The following PHLPP1 variants were observed in gnomAD, a reference collection of about 807,000 sequenced individuals.
PHLPP1 encodes PH domain leucine-rich repeat-containing protein phosphatase 1.
PHLPP1 carries 42 observed loss-of-function variants against 117.2 expected under a neutral mutation model. The ratio of observed to expected loss-of-function variants is 0.36; its 90% CI spans 0.28 to 0.46. PHLPP1 has a LOEUF of 0.46. PHLPP1 is among the 20% of genes least tolerant of loss of function. PHLPP1 has a pLI of 1.00. For missense variants in PHLPP1, 2,084 were observed against 2,241.9 expected, an observed-to-expected ratio of 0.93 and a Z score of 1.42; for synonymous variants, 1,042 against 970.7, an observed-to-expected ratio of 1.07 and a Z score of -1.37.
At position 62,803,254 on chromosome 18, in the gene PHLPP1, G is replaced by A. The variant is rs1027641462; in HGVS notation, c.1577-26781G>A. ...ATCACATAGTTTTTAAGAAAAATCA[G>A]ATCTTTTATTAGAATATAACATACA... is the stretch of plus-strand genomic sequence containing the variant. On this transcript the variant is annotated intron_variant, in intron 1 of 16. Transcript: ENST00000262719. Among the ~76,000 whole-genome samples, 9 of 152,218 alleles carry A rather than the reference G, an allele frequency of 5.9e-5. No individual in the cohort carries two copies. In the South Asian group the frequency reaches 1.9e-3, roughly 32 times the overall value.
At chr18:62,790,440 T>G (rs553592273) in intron 1 of PHLPP1, among the ~76,000 whole-genome samples, 4 of 152,324 alleles carry the variant, frequency 2.6e-5, no homozygotes, top group African/African-American at 9.6e-5. Flanking sequence ...GTACTTGCTA[T>G]TTATTTGATT....
At chr18:62,945,387 C>G (rs143000519) in intron 12 of PHLPP1, 116 bp downstream of exon 12, 2 of 795,592 alleles carry the variant, frequency 2.5e-6, no homozygotes, top group East Asian at 2.9e-5. Flanking sequence ...ATGAAGGCCC[C>G]CATTAGCCCT....
chr18:62,715,613 C>A lies in PHLPP1; in HGVS notation c.-71C>A. ...CTCCGCGCGCCGCCGCCGTCTCCCA[C>A]CTCCGCCTCATCGCCTCCCTCTCCG... On this transcript the variant is annotated 5_prime_UTR_variant, in exon 1 of 17. Transcript: ENST00000262719. 1 of 1,080,028 alleles carries A rather than the reference C, an allele frequency of 9.3e-7. No homozygotes were observed. Among genetic ancestry groups the A allele is most frequent in the Non-Finnish European group, 1.2e-6 (1 of 843,580 alleles). The allele number at this position is 1,080,028 out of a possible 1,614,324, so 66.9% of individuals were successfully genotyped here.
At chr18:62,734,971 A>G (rs560966191) in intron 1 of PHLPP1, among the ~76,000 whole-genome samples, 3 of 152,306 alleles carry the variant, frequency 2.0e-5, no homozygotes, top group African/African-American at 7.2e-5. Context: ...TTGGTGTTTA[A>G]TTCACAAAAT....
chr18:62,764,679 CACTT>C (rs1483792090), intron 1 of PHLPP1, among the ~76,000 whole-genome samples: 2 of 152,224 alleles, frequency 1.3e-5, no homozygotes, highest in Non-Finnish European at 2.9e-5. Context: ...ATGCTAGTCA[CACTT>C]ACGTCCTAGG....
chr18:62,924,525 C>T lies in PHLPP1; in HGVS notation c.2960+4411C>T, dbSNP rs564750477. Among the ~76,000 whole-genome samples the T allele has an allele frequency of 1.4e-4, 22 of 151,802 alleles. No individual in the cohort carries two copies. In the East Asian group the frequency reaches 2.9e-3, roughly 20 times the overall value. On this transcript the variant is annotated intron_variant, in intron 10 of 16. Transcript: ENST00000262719. Reference sequence around the variant, plus strand: ...AAAGCCAGTCTCATAGTTTTAATTACGTGATACTGTCTGTTAAGTATTACA... The same window carrying T: ...AAAGCCAGTCTCATAGTTTTAATTATGTGATACTGTCTGTTAAGTATTACA...
At chr18:62,809,715 C>T (rs1914057119) in intron 1 of PHLPP1, among the ~76,000 whole-genome samples, 1 of 151,856 alleles carries the variant, frequency 6.6e-6, no homozygotes, top group African/African-American at 2.4e-5. Context: ...AAAAAAAAGT[C>T]ATTGGCATTT....
At chr18:62,785,060 C>G (rs1913238578) in intron 1 of PHLPP1, among the ~76,000 whole-genome samples, 1 of 152,166 alleles carries the variant, frequency 6.6e-6, no homozygotes, top group Non-Finnish European at 1.5e-5. Context: ...TTCTGTTTGA[C>G]TCTCAATTTT....
At chr18:62,891,888 CAAA>C (rs574107579) in intron 4 of PHLPP1, among the ~76,000 whole-genome samples, 2,766 of 79,060 alleles carry the variant, frequency 0.035, 22 homozygotes, top group South Asian at 0.064. Context: ...GACCCTTTCT[CAAA>C]AAAAAAAAAA....
In PHLPP1 at chr18:62,895,014, C is replaced by A; in HGVS notation, c.2070C>A (p.Phe690Leu). 1 of 1,602,478 alleles carries A rather than the reference C, an allele frequency of 6.2e-7. No homozygotes were observed. Among genetic ancestry groups the A allele is most frequent in the Non-Finnish European group, 8.5e-7 (1 of 1,173,146 alleles). ...TTGTTTTGCTTTATTGTAATAGGTT[C>A]ACCAAGTTGAAGAGTCTTAACCTTT... ...AARGLNELQR[F>L]TKLKSLNLSN... Residue 690 changes from phenylalanine (F) to leucine (L), a missense_variant, in exon 5 of 17, where the codon TTC becomes TTA. Around this residue, in one of 2 missense-constraint regions of PHLPP1, gnomAD observed 1,365 missense variants for 1,605.9 expected, o/e 0.85. Coordinates refer to ENST00000262719, the MANE Select transcript of PHLPP1 (RefSeq NM_194449.4).
At chr18:62,965,852 GAAA>G (rs946344014) in intron 14 of PHLPP1, among the ~76,000 whole-genome samples, 3 of 142,676 alleles carry the variant, frequency 2.1e-5, no homozygotes, top group African/African-American at 7.7e-5. Flanking sequence ...AAAAAAAAAA[GAAA>G]GAAAAAAAAA....
At chr18:62,850,011 A>G (rs35572898) in intron 3 of PHLPP1, among the ~76,000 whole-genome samples, 8,404 of 150,504 alleles carry the variant, frequency 0.056, 335 homozygotes, top group Middle Eastern at 0.089. Context: ...TGAAAAAACA[A>G]TCTATAAACT....
chr18:62,836,477 AAAT>A (rs1914905032), intron 2 of PHLPP1, among the ~76,000 whole-genome samples: 2 of 128,020 alleles, frequency 1.6e-5, no homozygotes, highest in African/African-American at 5.7e-5. Context: ...ATAAATAAAT[AAAT>A]AAATAAAAAT....
intron 14 of PHLPP1, 52 bp from the exon 15 acceptor site, chr18:62,972,462 C>A: frequency 2.0e-6 from 3 of 1,519,490 alleles, no homozygotes; most frequent in South Asian, 1.2e-5. Context: ...CTGGGCTGGG[C>A]CTGGAGCAGG....
chr18:62,955,255 T>G lies in PHLPP1; in HGVS notation c.3325-3374T>G, dbSNP rs142106383. ...ACTCTGGCATGGGTGGAACATGGAG[T>G]GTGAGGAAGCCAGTGTGCAAAGTTG... is the stretch of plus-strand genomic sequence containing the variant. On this transcript the variant is annotated intron_variant, in intron 12 of 16. Transcript: ENST00000262719. Among the ~76,000 whole-genome samples, 855 of 151,400 alleles carry G rather than the reference T, an allele frequency of 5.6e-3. 4 individuals are homozygous for G. The highest frequency in any genetic ancestry group is 0.01 in the Non-Finnish European group (679 of 67,788).
intron 2 of PHLPP1, chr18:62,832,291 T>C (rs1352291542): frequency 6.6e-6 from 1 of 152,166 alleles, no homozygotes; most frequent in Non-Finnish European, 1.5e-5. Context: ...GAAGGTACTG[T>C]GGGGGATTAA....
intron 1 of PHLPP1, among the ~76,000 whole-genome samples, chr18:62,743,369 A>G (rs1911585436): frequency 6.6e-6 from 1 of 151,736 alleles, no homozygotes; most frequent in South Asian, 2.1e-4. Flanking sequence ...AATGTAATGA[A>G]CTCTCACGTA....
chr18:62,796,564 T>G (rs1160195107), intron 1 of PHLPP1, among the ~76,000 whole-genome samples: 1 of 152,240 alleles, frequency 6.6e-6, no homozygotes, highest in Non-Finnish European at 1.5e-5. Context: ...TTTTGCCAGA[T>G]AGTTTATGAA....
intron 15 of PHLPP1, among the ~76,000 whole-genome samples, chr18:62,973,063 G>A (rs998555618): frequency 6.6e-6 from 1 of 152,178 alleles, no homozygotes; most frequent in Non-Finnish European, 1.5e-5. Flanking sequence ...ACTTTCTGTT[G>A]TGGGGACCTC....
Sources: gnomAD v4.1 joint callset for allele counts (sites outside exome capture counted in the v4.1 genomes callset) on GRCh38, gnomAD v4.1.1 for gene constraint, gnomAD v4.1.1 regional missense constraint, MANE v1.5 for transcripts, NCBI Gene and HGNC (gene_info 2026-07-23, HGNC 2026-07-21) for gene names.